FOXN2: variants seen among roughly 807,000 people sequenced by gnomAD.
The protein encoded by FOXN2 is forkhead box N2, also known as forkhead box protein N2.
A neutral mutation model predicts 41.2 loss-of-function variants in FOXN2; 19 were observed. The ratio of observed to expected loss-of-function variants is 0.46; its 90% confidence interval spans 0.32 to 0.68. The LOEUF is 0.68. FOXN2 is among the 30% of genes least tolerant of loss of function. FOXN2 has a pLI of 0.03. For missense variants in FOXN2, 587 were observed against 509.4 expected (o/e 1.15, Z -1.47); for synonymous variants, 195 against 176.8 (o/e 1.10, Z -0.82).
At chr2:48,361,716 T>G (rs878997235) in intron 4 of FOXN2, among the ~76,000 whole-genome samples, 1 of 152,160 alleles carries the variant, frequency 6.6e-6, no homozygotes, top group Non-Finnish European at 1.5e-5. Flanking sequence ...AGATTTTTTT[T>G]TCATGCTATC....
At position 48,376,029 on chromosome 2, in the gene FOXN2, A is replaced by C. The variant is rs1244511192; in HGVS notation, c.*586A>C. The C allele has an allele frequency of 1.3e-5, 2 of 152,438 alleles. No individual in the cohort carries two copies. Among genetic ancestry groups the C allele is most frequent in the Non-Finnish European group, 2.9e-5 (2 of 68,222 alleles). 9.4% of individuals were successfully genotyped at this position (152,438 alleles called of 1,614,324 possible). A position where few individuals can be genotyped will look rare whatever the true frequency, so the allele number is the denominator to read the frequency against. ...AAGTTTCTTTTGGTTACGTAGGTAG[A>C]GAATACAACAAAGAGTTCTAAGACT... On this transcript the variant is annotated 3_prime_UTR_variant, in exon 7 of 7. Transcript: ENST00000340553.
intron 1 of FOXN2, among the ~76,000 whole-genome samples, chr2:48,324,063 C>G (rs1001796194): frequency 6.6e-6 from 1 of 152,086 alleles, no homozygotes; most frequent in African/African-American, 2.4e-5. Flanking sequence ...TTTTGCTATA[C>G]TATTGTCATA....
At chr2:48,319,752 A>C (rs954346526) in intron 1 of FOXN2, among the ~76,000 whole-genome samples, 5 of 148,820 alleles carry the variant, frequency 3.4e-5, no homozygotes, top group African/African-American at 7.4e-5. Context: ...CTGGGACCAC[A>C]GGGGCGCTCC....
chr2:48,375,440 A>G lies in FOXN2; in HGVS notation c.1293A>G (p.Lys431=). ...AKTQNQKQRK[K] is the part of the protein sequence containing the mutation. Reference sequence around the variant, plus strand: ...CACAAAATCAAAAGCAACGGAAAAAATAGAAATACTTAAAGTGTGGCAATA... The same window carrying G: ...CACAAAATCAAAAGCAACGGAAAAAGTAGAAATACTTAAAGTGTGGCAATA... The change falls in exon 7 of 7, where the codon AAA becomes AAG. Residue 431 remains lysine (K), a synonymous_variant. Coordinates refer to ENST00000340553, the MANE Select transcript of FOXN2 (RefSeq NM_002158.4). 1 of 1,602,564 alleles carries G rather than the reference A, an allele frequency of 6.2e-7. No individual in the cohort carries two copies. Among genetic ancestry groups the G allele is most frequent in the Non-Finnish European group, 8.5e-7 (1 of 1,174,454 alleles).
At chr2:48,318,052 C>G (rs141008752) in intron 1 of FOXN2, among the ~76,000 whole-genome samples, 8 of 152,258 alleles carry the variant, frequency 5.3e-5, no homozygotes, top group African/African-American at 1.9e-4. Flanking sequence ...TTCCCTTACC[C>G]TAACTTTTCT....
chr2:48,339,911 T>G (rs113625569), intron 2 of FOXN2, among the ~76,000 whole-genome samples: 26 of 152,324 alleles, frequency 1.7e-4, no homozygotes, highest in African/African-American at 5.8e-4. Context: ...TATTGAATAT[T>G]CATAAAATGG....
At chr2:48,369,079 T>C (rs920213858) in intron 5 of FOXN2, among the ~76,000 whole-genome samples, 4 of 152,258 alleles carry the variant, frequency 2.6e-5, no homozygotes, top group African/African-American at 9.6e-5. Flanking sequence ...GTATTTTTCC[T>C]ACCATTCTAC....
chr2:48,351,537 A>T (rs1189690684), intron 3 of FOXN2, among the ~76,000 whole-genome samples: 2 of 152,264 alleles, frequency 1.3e-5, no homozygotes, highest in East Asian at 1.9e-4. Flanking sequence ...TTTTTCTGCT[A>T]CCTGAGGTGG....
intron 2 of FOXN2, among the ~76,000 whole-genome samples, chr2:48,340,098 T>G (rs1422857823): frequency 6.6e-6 from 1 of 152,214 alleles, no homozygotes; most frequent in Non-Finnish European, 1.5e-5. Context: ...AGAAAAAACC[T>G]TTTGTTAACT....
At chr2:48,332,790 A>T (rs941260510) in intron 2 of FOXN2, among the ~76,000 whole-genome samples, 2 of 152,010 alleles carry the variant, frequency 1.3e-5, no homozygotes, top group Non-Finnish European at 2.9e-5. Flanking sequence ...TAAGTGCTTT[A>T]TTTTTGTTGT....
At chr2:48,370,811 C>G (rs948703047) in intron 5 of FOXN2, among the ~76,000 whole-genome samples, 1 of 151,988 alleles carries the variant, frequency 6.6e-6, no homozygotes, top group Non-Finnish European at 1.5e-5. Context: ...GATATAATTA[C>G]GTTTATTTTT....
At chr2:48,350,846 T>A (rs565314597) in intron 3 of FOXN2, among the ~76,000 whole-genome samples, 2 of 152,338 alleles carry the variant, frequency 1.3e-5, no homozygotes, top group Middle Eastern at 6.8e-3. Context: ...AATAAATGTT[T>A]TAAAATTTGG....
At chr2:48,363,453 A>C (rs1021266470) in intron 5 of FOXN2, among the ~76,000 whole-genome samples, 1 of 152,216 alleles carries the variant, frequency 6.6e-6, no homozygotes, top group African/African-American at 2.4e-5. Context: ...AAATTAAAAA[A>C]TCAATTTAGT....
At chr2:48,331,071 G>A (rs190327254) in intron 2 of FOXN2, among the ~76,000 whole-genome samples, 6 of 152,218 alleles carry the variant, frequency 3.9e-5, no homozygotes, top group African/African-American at 1.4e-4. Context: ...AAGCTTATTA[G>A]AAACAGCACA....
rs112376701 is a variant in FOXN2, at chr2:48,320,767, C to T, written c.-157+5953C>T. On this transcript the variant is annotated intron_variant, in intron 1 of 6. Coordinates refer to ENST00000340553, the MANE Select transcript of FOXN2 (RefSeq NM_002158.4). ...AATGAATATTTGTTAGGATGAGATG[C>T]TTACATCTTGATCTGTTCCTAAGGA... 7.5e-3 allele frequency among the ~76,000 whole-genome samples: 1,140 copies of T among 152,236 alleles called. 6 individuals carry two copies. The highest frequency in any genetic ancestry group is 0.011 in the Non-Finnish European group (720 of 68,006).
intron 3 of FOXN2, among the ~76,000 whole-genome samples, chr2:48,347,532 G>GTT (rs779953696): frequency 1.5e-3 from 199 of 129,734 alleles, no homozygotes; most frequent in Non-Finnish European, 2.6e-3. Flanking sequence ...CAGCCGAGGT[G>GTT]TTGTGTGTGT....
chr2:48,363,675 A>T (rs1672347698), intron 5 of FOXN2, among the ~76,000 whole-genome samples: 2 of 152,172 alleles, frequency 1.3e-5, no homozygotes, highest in Admixed American at 1.3e-4. Context: ...CCTGGCAGAA[A>T]CTAATAGATC....
At chr2:48,349,401 T>G (rs1671310369) in intron 3 of FOXN2, among the ~76,000 whole-genome samples, 1 of 152,156 alleles carries the variant, frequency 6.6e-6, no homozygotes, top group Non-Finnish European at 1.5e-5. Context: ...GAGGATTGTT[T>G]GAACCCTCGG....
chr2:48,362,501 C>T (rs1558636540), intron 4 of FOXN2, 142 bp from the exon 5 acceptor site: 2 of 672,604 alleles, frequency 3.0e-6, no homozygotes, highest in Non-Finnish European at 5.2e-6. Context: ...CTCAGAAAGT[C>T]AAGGCTGCAG....
Sources: allele counts gnomAD v4.1 joint callset (sites outside exome capture counted in the v4.1 genomes callset), GRCh38; gene constraint gnomAD v4.1.1; transcripts MANE v1.5; gene names NCBI Gene and HGNC (gene_info 2026-07-23, HGNC 2026-07-21).